Variants in GPHN observed in about 807,000 individuals in gnomAD.
GPHN encodes gephyrin.
Under a neutral mutation model 95.5 loss-of-function variants are expected in GPHN, and 17 were observed. That is an observed-to-expected ratio of 0.18 (90% CI 0.12 to 0.27). GPHN has a LOEUF of 0.27. Among genes scored for constraint, GPHN ranks in the 10% least tolerant of loss-of-function variants. The pLI, the probability that GPHN is intolerant of heterozygous loss-of-function variation, is 1.00. For missense variants in GPHN, 660 were observed against 978.1 expected (o/e 0.67, Z 4.34); for synonymous variants, 320 against 322.5 (o/e 0.99, Z 0.08).
chr14:66,740,206 C>T (rs528195750), intron 2 of GPHN, among the ~76,000 whole-genome samples: 1 of 152,170 alleles, frequency 6.6e-6, no homozygotes, highest in East Asian at 1.9e-4. Flanking sequence ...GCTCATTCAT[C>T]TTTAGAGCTT....
the GPHN span, among the ~76,000 whole-genome samples, chr14:67,713,534 G>A: frequency 2.0e-5 from 3 of 152,062 alleles, no homozygotes; most frequent in East Asian, 1.9e-4. Flanking sequence ...GTTGGTTTGA[G>A]CCATAAAGTT....
the GPHN span, among the ~76,000 whole-genome samples, chr14:67,413,535 G>T: frequency 1.3e-5 from 2 of 152,162 alleles, no homozygotes; most frequent in Non-Finnish European, 2.9e-5. Flanking sequence ...AAGGCGGGGG[G>T]TGCCTTTCAG....
chr14:67,533,535 T>C, the GPHN span: 14,142 of 151,156 alleles, frequency 0.094, 737 homozygotes, highest in East Asian at 0.15. Flanking sequence ...GGAAGCGAGC[T>C]CCCAGCGGCG....
chr14:67,316,912 C>T, the GPHN span: 1 of 1,604,118 alleles, frequency 6.2e-7, no homozygotes, highest in Non-Finnish European at 8.5e-7. Flanking sequence ...AGGTTAGACA[C>T]TTGTATTTGA....
intron 2 of GPHN, among the ~76,000 whole-genome samples, chr14:66,756,591 C>T (rs182712635): frequency 6.6e-6 from 1 of 152,212 alleles, no homozygotes; most frequent in African/African-American, 2.4e-5. Flanking sequence ...ATTGTTTGCT[C>T]CAAGAACACA....
chr14:67,332,789 T>C, the GPHN span: 4 of 1,609,514 alleles, frequency 2.5e-6, no homozygotes, highest in Non-Finnish European at 2.5e-6. Flanking sequence ...GCCTGAAGAG[T>C]TGAGAGAAAT....
At chr14:66,530,213 G>A (rs989125100) in intron 1 of GPHN, among the ~76,000 whole-genome samples, 2 of 152,116 alleles carry the variant, frequency 1.3e-5, no homozygotes, top group African/African-American at 4.8e-5. Flanking sequence ...GGGTTCCGAC[G>A]GGTTGGAACT....
At chr14:67,346,959 T>C in the GPHN span, among the ~76,000 whole-genome samples, 1 of 152,196 alleles carries the variant, frequency 6.6e-6, no homozygotes, top group East Asian at 1.9e-4. Context: ...TTTTAAGATA[T>C]GTATAATGTT....
chr14:67,076,559 G>A (rs2076501003), intron 11 of GPHN, among the ~76,000 whole-genome samples: 1 of 151,958 alleles, frequency 6.6e-6, no homozygotes, highest in Non-Finnish European at 1.5e-5. Flanking sequence ...CCTACTGATG[G>A]TCATTTTAGC....
intron 8 of GPHN, among the ~76,000 whole-genome samples, chr14:66,940,656 G>A (rs2067376511): frequency 1.3e-5 from 2 of 152,196 alleles, no homozygotes; most frequent in Admixed American, 6.5e-5. Context: ...GGCTTAACTG[G>A]CAGGAATCAG....
chr14:67,134,269 A>G (rs911601530), intron 17 of GPHN, among the ~76,000 whole-genome samples: 2 of 152,142 alleles, frequency 1.3e-5, no homozygotes, highest in African/African-American at 4.8e-5. Flanking sequence ...TGTTAAAGTA[A>G]GTATGTTTTT....
At chr14:67,381,661 A>T in the GPHN span, 1 of 1,613,470 alleles carries the variant, frequency 6.2e-7, no homozygotes, top group Non-Finnish European at 8.5e-7. Flanking sequence ...AGCAGGTTTG[A>T]ATTGTTCTAC....
intron 8 of GPHN, among the ~76,000 whole-genome samples, chr14:66,949,026 A>G (rs574741441): frequency 2.4e-4 from 37 of 152,304 alleles, no homozygotes; most frequent in African/African-American, 8.7e-4. Context: ...AAGACATGTG[A>G]TATATATTTT....
At chr14:67,709,207 T>C in the GPHN span, among the ~76,000 whole-genome samples, 1 of 152,218 alleles carries the variant, frequency 6.6e-6, no homozygotes, top group African/African-American at 2.4e-5. Context: ...ATAGAATTAA[T>C]AGGTCATTGT....
At chr14:67,648,075 G>T in the GPHN span, 3 of 1,613,270 alleles carry the variant, frequency 1.9e-6, no homozygotes, top group African/African-American at 2.7e-5. Flanking sequence ...TTTGAGTTTT[G>T]ATATTGATGC....
the GPHN span, among the ~76,000 whole-genome samples, chr14:67,349,667 A>C: frequency 1.1e-4 from 16 of 152,228 alleles, no homozygotes; most frequent in African/African-American, 3.9e-4. Context: ...AAACTCAAAA[A>C]TACAAAAATT....
chr14:66,836,668 G>A (rs950250670), intron 4 of GPHN, among the ~76,000 whole-genome samples: 1 of 144,632 alleles, frequency 6.9e-6, no homozygotes, highest in South Asian at 2.2e-4. Context: ...CCTACAAAAT[G>A]GGAGAAAATT....
At chr14:67,299,895 G>C in the GPHN span, among the ~76,000 whole-genome samples, 1 of 152,164 alleles carries the variant, frequency 6.6e-6, no homozygotes, top group Non-Finnish European at 1.5e-5. Context: ...CCCATCCTCA[G>C]AGTTTCTTCA....
intron 1 of GPHN, among the ~76,000 whole-genome samples, chr14:66,594,391 G>A (rs2061884245): frequency 6.6e-6 from 1 of 152,102 alleles, no homozygotes; most frequent in Non-Finnish European, 1.5e-5. Context: ...AAAACTGGAG[G>A]CCTCATAGTG....
Sources: allele counts gnomAD v4.1 joint callset (sites outside exome capture counted in the v4.1 genomes callset), GRCh38; gene constraint gnomAD v4.1.1; transcripts MANE v1.5; gene names NCBI Gene and HGNC (gene_info 2026-07-23, HGNC 2026-07-21).